SORBS2: variants seen among roughly 807,000 people sequenced by gnomAD.
SORBS2 encodes the protein sorbin and SH3 domain containing 2.
A neutral mutation model predicts 97.7 loss-of-function variants in SORBS2; 46 were observed. The observed-to-expected ratio is 0.47, with a 90% confidence interval of 0.37 to 0.60. The LOEUF is 0.60. SORBS2 is among the 20% of genes least tolerant of loss of function. The pLI is 0.00. For missense variants in SORBS2, 1,316 were observed against 1,282.3 expected (o/e 1.03, Z -0.40); for synonymous variants, 476 against 473.4 (o/e 1.01, Z -0.07).
intron 4 of SORBS2, among the ~76,000 whole-genome samples, chr4:185,676,370 C>A (rs1036698745): frequency 1.3e-5 from 2 of 152,190 alleles, no homozygotes; most frequent in African/African-American, 4.8e-5. Flanking sequence ...CTCCTGTTAA[C>A]AGACTAATAC....
chr4:185,913,813 A>T (rs1198991837), intron 1 of SORBS2, among the ~76,000 whole-genome samples: 1 of 152,198 alleles, frequency 6.6e-6, no homozygotes, highest in Non-Finnish European at 1.5e-5. Flanking sequence ...ATGTAATCCC[A>T]GGAAAATAAA....
intron 1 of SORBS2, among the ~76,000 whole-genome samples, chr4:185,860,185 T>A (rs1374851923): frequency 5.3e-5 from 8 of 152,322 alleles, no homozygotes; most frequent in African/African-American, 1.9e-4. Flanking sequence ...CTGGCTCATT[T>A]ATTCGGGAAG....
chr4:185,929,960 A>G (rs2099265657), intron 1 of SORBS2, among the ~76,000 whole-genome samples: 7 of 152,200 alleles, frequency 4.6e-5, no homozygotes, highest in Admixed American at 4.6e-4. Flanking sequence ...TCAGCCATGG[A>G]TAAAATGGAG....
intron 1 of SORBS2, among the ~76,000 whole-genome samples, chr4:185,797,801 G>A (rs1053808130): frequency 6.6e-6 from 1 of 152,096 alleles, no homozygotes; most frequent in African/African-American, 2.4e-5. Flanking sequence ...TCTCCCTACT[G>A]TTCCTACATT....
chr4:185,837,322 A>C (rs2099208647), intron 1 of SORBS2, among the ~76,000 whole-genome samples: 1 of 152,164 alleles, frequency 6.6e-6, no homozygotes, highest in African/African-American at 2.4e-5. Context: ...CAAGCATTGC[A>C]GCTGTCCTGG....
chr4:185,792,321 C>T (rs1346271365), intron 1 of SORBS2, among the ~76,000 whole-genome samples: 1 of 152,078 alleles, frequency 6.6e-6, no homozygotes, highest in Non-Finnish European at 1.5e-5. Context: ...TGGTGAAACC[C>T]CGTCTCTACT....
At chr4:185,618,668 A>T in intron 8 of SORBS2, 37 bp from the exon 21 acceptor site, 1 of 1,424,534 alleles carries the variant, frequency 7.0e-7, no homozygotes, top group Non-Finnish European at 9.6e-7. Flanking sequence ...CTAATTTAAA[A>T]TTTGAATTTT....
chr4:185,752,249 C>A (rs1025495682), intron 2 of SORBS2, among the ~76,000 whole-genome samples: 3 of 152,162 alleles, frequency 2.0e-5, no homozygotes, highest in Admixed American at 6.5e-5. Context: ...AAAATATGTA[C>A]ATATACTGCA....
intron 1 of SORBS2, among the ~76,000 whole-genome samples, chr4:185,908,129 G>A (rs72709754): frequency 0.11 from 16,057 of 151,306 alleles, 911 homozygotes; most frequent in Middle Eastern, 0.2. Context: ...TCTTCTTGAT[G>A]AGCTGCTTCA....
At chr4:185,695,614 T>C (rs550238871) in intron 2 of SORBS2, among the ~76,000 whole-genome samples, 13 of 152,268 alleles carry the variant, frequency 8.5e-5, no homozygotes, top group African/African-American at 2.9e-4. Flanking sequence ...TGAAATGGGA[T>C]CATTTGTAGC....
intron 1 of SORBS2, among the ~76,000 whole-genome samples, chr4:185,886,491 G>A (rs181113793): frequency 2.8e-5 from 4 of 143,918 alleles, no homozygotes; most frequent in African/African-American, 5.3e-5. Context: ...GGAGGCGGAG[G>A]TTGCAGTGAG....
chr4:185,749,420 G>C (rs79274182), intron 2 of SORBS2, among the ~76,000 whole-genome samples: 2,291 of 152,238 alleles, frequency 0.015, 29 homozygotes, highest in Non-Finnish European at 0.023. Flanking sequence ...TCAGGGAGAA[G>C]GAGATAGAGT....
chr4:185,772,916 G>T (rs947124576), intron 2 of SORBS2: 1 of 152,138 alleles, frequency 6.6e-6, no homozygotes, highest in Non-Finnish European at 1.5e-5. Flanking sequence ...GCCAAGTTTC[G>T]TGCAAGGCTG....
chr4:185,675,925 GGGATCTT>G (rs2097783744), intron 4 of SORBS2, among the ~76,000 whole-genome samples: 1 of 151,978 alleles, frequency 6.6e-6, no homozygotes, highest in Non-Finnish European at 1.5e-5. Context: ...AGTGGGTGGG[GGGATCTT>G]GGTGTCAATT....
intron 1 of SORBS2, among the ~76,000 whole-genome samples, chr4:185,865,650 T>C (rs1209043291): frequency 6.6e-6 from 1 of 152,234 alleles, no homozygotes; most frequent in Non-Finnish European, 1.5e-5. Flanking sequence ...TCAGGACATT[T>C]TCAAGGCACT....
chr4:185,786,450 C>T (rs6830250), intron 1 of SORBS2, among the ~76,000 whole-genome samples: 103,047 of 152,130 alleles, frequency 0.68, 35,394 homozygotes, highest in East Asian at 0.82. Flanking sequence ...TACCTTGTTA[C>T]AAACAAATAC....
chr4:185,620,348 A>G (rs530770330), intron 7 of SORBS2, among the ~76,000 whole-genome samples, 197 bp from the exon 20 acceptor site: 1 of 152,352 alleles, frequency 6.6e-6, no homozygotes, highest in African/African-American at 2.4e-5. Context: ...TCAAAAGGAA[A>G]AATATCTGAG....
At chr4:185,605,063 C>T (rs1313981644) in intron 12 of SORBS2, among the ~76,000 whole-genome samples, 4 of 152,126 alleles carry the variant, frequency 2.6e-5, no homozygotes, top group East Asian at 1.9e-4. Flanking sequence ...TGTAGAGACA[C>T]GTTTGGCTCC....
At chr4:185,765,739 G>A (rs1033931960) in intron 2 of SORBS2, among the ~76,000 whole-genome samples, 2 of 152,174 alleles carry the variant, frequency 1.3e-5, no homozygotes, top group Admixed American at 6.5e-5. Flanking sequence ...ATGTAGACAA[G>A]TAGGCATCAT....
Sources: allele counts gnomAD v4.1 joint callset (sites outside exome capture counted in the v4.1 genomes callset), GRCh38; gene constraint gnomAD v4.1.1; transcripts MANE v1.5; gene names NCBI Gene and HGNC (gene_info 2026-07-23, HGNC 2026-07-21).